The following ENTHD1 variants were observed in gnomAD, a reference collection of about 807,000 sequenced individuals.
ENTHD1 encodes ENTH domain-containing protein 1.
A neutral mutation model predicts 39.1 loss-of-function variants in ENTHD1; 23 were observed. The observed-to-expected ratio is 0.59, with a 90% CI of 0.42 to 0.83. ENTHD1 has a LOEUF of 0.83. Among genes scored for constraint, ENTHD1 ranks in the 40% least tolerant of loss-of-function variants. The pLI, the probability that ENTHD1 is intolerant of heterozygous loss-of-function variation, is 0.00. For synonymous variants in ENTHD1, 230 were observed against 258.2 expected, an observed-to-expected ratio of 0.89 and a Z score of 1.05; for missense variants, 624 against 705.4, an observed-to-expected ratio of 0.88 and a Z score of 1.31.
chr22:39,826,270 T>C (rs1340593540), intron 4 of ENTHD1, among the ~76,000 whole-genome samples: 1 of 152,228 alleles, frequency 6.6e-6, no homozygotes, highest in Non-Finnish European at 1.5e-5. Flanking sequence ...ACTGGTGATT[T>C]GTGTCTTCTC....
Position 39,765,628 on chromosome 22 carries a change from G to T in ENTHD1, c.833-19C>A. 6.4e-7 allele frequency: 1 copy of T among 1,561,882 alleles called. No individual in the cohort carries two copies. On this transcript the variant is annotated intron_variant, in intron 5 of 6. Coordinates refer to ENST00000325157, the MANE Select transcript of ENTHD1 (RefSeq NM_152512.4). ...ACAGCATCTATAAAAGAACAAATAA[G>T]AGCTATAATCAAAAAATAAAACTGA...
At chr22:39,831,847 A>T (rs1021472797) in intron 4 of ENTHD1, among the ~76,000 whole-genome samples, 39 of 152,190 alleles carry the variant, frequency 2.6e-4, no homozygotes, top group Admixed American at 1.8e-3. Flanking sequence ...ACAAACAAAC[A>T]AAATATATAG....
intron 3 of ENTHD1, among the ~76,000 whole-genome samples, chr22:39,855,334 A>G (rs975346620): frequency 1.3e-5 from 2 of 152,210 alleles, no homozygotes; most frequent in East Asian, 3.9e-4. Context: ...ATCTACCCCT[A>G]CTGTTTTACA....
At chr22:39,829,886 T>TG (rs1326750531) in intron 4 of ENTHD1, among the ~76,000 whole-genome samples, 8 of 152,116 alleles carry the variant, frequency 5.3e-5, no homozygotes, top group Non-Finnish European at 8.8e-5. Flanking sequence ...ATTTTACAGA[T>TG]GGGGGTCTCA....
At chr22:39,791,221 T>C (rs1369239895) in intron 5 of ENTHD1, among the ~76,000 whole-genome samples, 1 of 147,958 alleles carries the variant, frequency 6.8e-6, no homozygotes, top group African/African-American at 2.4e-5. Context: ...CTTTAGACTA[T>C]ATATTTAGAC....
intron 2 of ENTHD1, among the ~76,000 whole-genome samples, chr22:39,883,010 A>G (rs1366116026): frequency 1.3e-5 from 2 of 151,160 alleles, no homozygotes; most frequent in African/African-American, 4.8e-5. Flanking sequence ...TCTCAAAAAA[A>G]AAAAAAAAAA....
At chr22:39,781,750 T>C (rs1030026508) in intron 5 of ENTHD1, among the ~76,000 whole-genome samples, 1 of 151,536 alleles carries the variant, frequency 6.6e-6, no homozygotes, top group Non-Finnish European at 1.5e-5. Context: ...TAAAAAAAAA[T>C]TGACAAACTT....
At chr22:39,819,394 G>C (rs1452238472) in intron 5 of ENTHD1, among the ~76,000 whole-genome samples, 1 of 128,318 alleles carries the variant, frequency 7.8e-6, no homozygotes, top group Non-Finnish European at 1.7e-5. Flanking sequence ...AAAAAGAAAA[G>C]AAACAAAGAA....
intron 5 of ENTHD1, among the ~76,000 whole-genome samples, chr22:39,815,380 T>C (rs1025001813): frequency 1.3e-5 from 2 of 151,778 alleles, no homozygotes; most frequent in African/African-American, 4.8e-5. Flanking sequence ...GAGGTAGAGG[T>C]TGCAGTGAGC....
At chr22:39,854,371 AGAG>A (rs1256448104) in intron 3 of ENTHD1, among the ~76,000 whole-genome samples, 5 of 152,244 alleles carry the variant, frequency 3.3e-5, no homozygotes, top group Admixed American at 1.3e-4. Flanking sequence ...GACACAGACC[AGAG>A]TAATCCTTAA....
chr22:39,881,147 C>T (rs986608125), intron 2 of ENTHD1, among the ~76,000 whole-genome samples: 4 of 152,138 alleles, frequency 2.6e-5, no homozygotes, highest in Non-Finnish European at 5.9e-5. Context: ...AAATATAGAA[C>T]AAATTTATTT....
chr22:39,743,643 C>T lies in ENTHD1; in HGVS notation c.*36G>A, dbSNP rs775738187. On this transcript the variant is annotated 3_prime_UTR_variant, in exon 7 of 7. Transcript: ENST00000325157. ...TAACGTAAGTCTTGGGGAAGTGGAA[C>T]CACACGAGTTCTATCAAAAATAGAT... 2 of 1,531,590 alleles carry T rather than the reference C, an allele frequency of 1.3e-6. No individual in the cohort carries two copies. The highest frequency in any genetic ancestry group is 1.4e-5 in the African/African-American group (1 of 72,132). 94.9% of individuals were successfully genotyped at this position (1,531,590 alleles called of 1,614,324 possible).
chr22:39,796,460 G>A (rs2065550674), intron 5 of ENTHD1, among the ~76,000 whole-genome samples: 1 of 151,824 alleles, frequency 6.6e-6, no homozygotes, highest in South Asian at 2.1e-4. Flanking sequence ...GGTGGAGGTG[G>A]GGTCTCACTT....
At chr22:39,850,916 T>C (rs1893503607) in intron 3 of ENTHD1, among the ~76,000 whole-genome samples, 2 of 152,216 alleles carry the variant, frequency 1.3e-5, no homozygotes, top group Non-Finnish European at 2.9e-5. Context: ...CGTATCTATA[T>C]TTATGTGTGT....
intron 4 of ENTHD1, among the ~76,000 whole-genome samples, chr22:39,830,412 C>A (rs567533247): frequency 1.3e-5 from 2 of 152,022 alleles, no homozygotes; most frequent in East Asian, 3.9e-4. Flanking sequence ...TGAGCTATTA[C>A]GAAATTAAAG....
chr22:39,829,379 C>CA (rs71721601), intron 4 of ENTHD1, among the ~76,000 whole-genome samples: 4,205 of 109,444 alleles, frequency 0.038, 104 homozygotes, highest in African/African-American at 0.091. Context: ...AAGACAGATA[C>CA]AAAAAAAAAA....
intron 5 of ENTHD1, among the ~76,000 whole-genome samples, chr22:39,808,377 T>C (rs898187279): frequency 6.6e-6 from 1 of 152,200 alleles, no homozygotes; most frequent in Non-Finnish European, 1.5e-5. Context: ...AGGAACTTGT[T>C]CACCATTGAC....
At chr22:39,892,185 A>T (rs2066432308) in intron 1 of ENTHD1, among the ~76,000 whole-genome samples, 1 of 152,222 alleles carries the variant, frequency 6.6e-6, no homozygotes, top group Admixed American at 6.5e-5. Flanking sequence ...TTCTCTCCTA[A>T]ATAATTCCCA....
intron 6 of ENTHD1, among the ~76,000 whole-genome samples, chr22:39,761,301 GTCAT>G (rs1402953700): frequency 3.3e-5 from 5 of 152,270 alleles, no homozygotes; most frequent in African/African-American, 1.2e-4. Flanking sequence ...AAAATCAGGT[GTCAT>G]TCATATTCTT....
Sources: allele counts gnomAD v4.1 joint callset (sites outside exome capture counted in the v4.1 genomes callset), GRCh38; gene constraint gnomAD v4.1.1; transcripts MANE v1.5; gene names NCBI Gene and HGNC (gene_info 2026-07-23, HGNC 2026-07-21).